TLN2: variants seen among roughly 807,000 people sequenced by gnomAD.
The protein encoded by TLN2 is talin 2.
Under a neutral mutation model 294.7 loss-of-function variants are expected in TLN2, and 118 were observed. That is an observed-to-expected ratio of 0.40 (90% CI 0.34 to 0.47). The LOEUF is 0.47. Ranked by LOEUF, TLN2 falls within the 20% of genes least tolerant of loss-of-function variation. TLN2 has a pLI of 0.84. For synonymous variants in TLN2, 1,431 were observed against 1,304.5 expected, an observed-to-expected ratio of 1.10 and a Z score of -2.09; for missense variants, 3,083 against 3,282.2, an observed-to-expected ratio of 0.94 and a Z score of 1.48.
chr15:62,625,967 G>A (rs2049250406), intron 3 of TLN2, among the ~76,000 whole-genome samples: 1 of 152,174 alleles, frequency 6.6e-6, no homozygotes, highest in African/African-American at 2.4e-5. Flanking sequence ...AGTTCCCCAT[G>A]AAATCTGTCC....
At chr15:62,560,544 C>T (rs1317198506) in intron 1 of TLN2, among the ~76,000 whole-genome samples, 1 of 152,170 alleles carries the variant, frequency 6.6e-6, no homozygotes, top group Non-Finnish European at 1.5e-5. Flanking sequence ...CCGGGCTGGT[C>T]TCGAACTCTT....
At chr15:62,647,143 A>G in intron 3 of TLN2, 132 bp from the exon 4 acceptor site, 1 of 858,500 alleles carries the variant, frequency 1.2e-6, no homozygotes, top group Non-Finnish European at 1.7e-6. Context: ...CCTAAAGTGT[A>G]CTCTTTATTT....
At chr15:62,446,606 C>T (rs1432409157) in intron 1 of TLN2, among the ~76,000 whole-genome samples, 1 of 152,156 alleles carries the variant, frequency 6.6e-6, no homozygotes, top group Non-Finnish European at 1.5e-5. Context: ...TTTTACATCT[C>T]TGGACTTCAG....
chr15:62,515,415 C>T (rs900816000), intron 1 of TLN2, among the ~76,000 whole-genome samples: 1 of 152,158 alleles, frequency 6.6e-6, no homozygotes, highest in Non-Finnish European at 1.5e-5. Context: ...CTCCAAAGAG[C>T]CAGCAAGTTG....
At chr15:62,700,401 A>T (rs761350726) in intron 16 of TLN2, among the ~76,000 whole-genome samples, 1 of 152,192 alleles carries the variant, frequency 6.6e-6, no homozygotes, top group Non-Finnish European at 1.5e-5. Flanking sequence ...AGAACTTGCT[A>T]TTTATAGGTT....
intron 1 of TLN2, among the ~76,000 whole-genome samples, chr15:62,576,570 A>G (rs1466104829): frequency 6.8e-6 from 1 of 147,520 alleles, no homozygotes; most frequent in Non-Finnish European, 1.5e-5. Context: ...ACCCACAGAG[A>G]GACATGAGTA....
intron 3 of TLN2, among the ~76,000 whole-genome samples, chr15:62,620,449 C>T (rs1008025239): frequency 6.6e-6 from 1 of 151,704 alleles, no homozygotes; most frequent in Non-Finnish European, 1.5e-5. Context: ...TTCATTCATA[C>T]TCTCTTTCTC....
chr15:62,810,160 A>G, intron 52 of TLN2, 128 bp downstream of exon 52: 1 of 755,228 alleles, frequency 1.3e-6, no homozygotes. Flanking sequence ...TGAGGCTGGG[A>G]CTGGATTGAA....
chr15:62,810,139 C>A, intron 52 of TLN2, 107 bp downstream of exon 52: 1 of 886,578 alleles, frequency 1.1e-6, no homozygotes, highest in African/African-American at 1.7e-5. Context: ...GAGCCCTGTC[C>A]ATTGCCACTG....
intron 32 of TLN2, among the ~76,000 whole-genome samples, chr15:62,743,252 T>G (rs1377170491): frequency 6.6e-6 from 1 of 152,100 alleles, no homozygotes; most frequent in Non-Finnish European, 1.5e-5. Context: ...TGCCTGTCCT[T>G]CCTGTGTGTA....
chr15:62,840,390 G>T lies in TLN2; in HGVS notation c.7501-92G>T, dbSNP rs148087254. On this transcript the variant is annotated intron_variant, in intron 58 of 58. Coordinates refer to ENST00000636159, the MANE Select transcript of TLN2 (RefSeq NM_015059.3). ...GGATGTGCTGCAGTGTCCCACGGTCGCGGGAGCCGTGGAGCTCACATGAGC... is the reference window on the plus strand; with the variant it reads ...GGATGTGCTGCAGTGTCCCACGGTCTCGGGAGCCGTGGAGCTCACATGAGC... 1,033 of 1,523,370 alleles carry T rather than the reference G, an allele frequency of 6.8e-4. 1 individual carries two copies. The highest frequency in any genetic ancestry group is 4.5e-3 in the Middle Eastern group (25 of 5,548). The allele number at this position is 1,523,370 out of a possible 1,614,324, so 94.4% of individuals were successfully genotyped here.
intron 3 of TLN2, among the ~76,000 whole-genome samples, chr15:62,625,033 C>G (rs1223773925): frequency 1.3e-5 from 2 of 152,148 alleles, no homozygotes; most frequent in African/African-American, 4.8e-5. Flanking sequence ...TATTGTTGTG[C>G]TTTCAGGATG....
chr15:62,641,106 G>C (rs1348498383), intron 3 of TLN2, among the ~76,000 whole-genome samples: 1 of 151,988 alleles, frequency 6.6e-6, no homozygotes, highest in Non-Finnish European at 1.5e-5. Context: ...CCAGCCCACA[G>C]GAACTATATT....
intron 1 of TLN2, among the ~76,000 whole-genome samples, chr15:62,500,263 A>T (rs1454056215): frequency 6.6e-6 from 1 of 152,156 alleles, no homozygotes; most frequent in East Asian, 1.9e-4. Flanking sequence ...GCTTGAACCC[A>T]GGAGATGGAG....
At chr15:62,538,242 A>C (rs548928373) in intron 1 of TLN2, among the ~76,000 whole-genome samples, 45 of 150,128 alleles carry the variant, frequency 3.0e-4, no homozygotes, top group African/African-American at 8.1e-4. Context: ...CACACACACA[A>C]AAACACCAGC....
rs1169646907 is a variant in TLN2, at chr15:62,742,024, G to GGTGT, written c.4025+1303_4025+1306dup. On this transcript the variant is annotated intron_variant, in intron 32 of 58. Coordinates refer to ENST00000636159, the MANE Select transcript of TLN2 (RefSeq NM_015059.3). Reference sequence around the variant, plus strand: ...CTTCCTCCCTCTTGGCTTGTAGTGGGGTGTGTGTGTGTGTGTGTGTGTGTG... The same window carrying GGTGT: ...CTTCCTCCCTCTTGGCTTGTAGTGGGGTGTGTGTGTGTGTGTGTGTGTGTGTGTG... 4.3e-3 allele frequency among the ~76,000 whole-genome samples: 352 copies of GGTGT among 82,242 alleles called. 4 individuals carry two copies. The highest frequency in any genetic ancestry group is 0.015 in the African/African-American group (328 of 22,614). The allele number at this position is 82,242 out of a possible 152,430, so 54.0% of individuals were successfully genotyped here.
intron 22 of TLN2, among the ~76,000 whole-genome samples, chr15:62,712,504 C>G (rs1268221542): frequency 1.3e-5 from 2 of 152,190 alleles, no homozygotes; most frequent in African/African-American, 4.8e-5. Context: ...TCCTACTTTA[C>G]GGTTCTTTAA....
intron 37 of TLN2, 65 bp downstream of exon 37, chr15:62,755,758 C>G: frequency 6.3e-7 from 1 of 1,583,264 alleles, no homozygotes; most frequent in Middle Eastern, 1.7e-4. Context: ...GGAAGGGGAA[C>G]AAGATTTAAG....
Position 62,653,209 on chromosome 15 carries a change from G to A in TLN2, c.412G>A (p.Glu138Lys). Residue 138 changes from glutamate to lysine, a missense_variant, in exon 7 of 59, where the codon GAA becomes AAA. Transcript: ENST00000636159. ...EYSLIQETIE[E>K]KKEEGTGTLK... ...CTCCTTAATCCAAGAAACTATTGAA[G>A]AAAAGAAAGAGGAAGGAACGGGCAC... 6.2e-7 allele frequency: 1 copy of A among 1,609,440 alleles called. No individual in the cohort carries two copies. The highest frequency in any genetic ancestry group is 8.5e-7 in the Non-Finnish European group (1 of 1,177,868).
Sources: gnomAD v4.1 joint callset for allele counts (sites outside exome capture counted in the v4.1 genomes callset) on GRCh38, gnomAD v4.1.1 for gene constraint, MANE v1.5 for transcripts, NCBI Gene and HGNC (gene_info 2026-07-23, HGNC 2026-07-21) for gene names.